Variants in DNAH3 observed in about 807,000 individuals in gnomAD.
The protein encoded by DNAH3 is axonemal beta dynein heavy chain 3.
In DNAH3, 332 loss-of-function variants were observed where a neutral mutation model predicts 432.5. That is an observed-to-expected ratio of 0.77 (90% CI 0.70 to 0.84). DNAH3 has a LOEUF of 0.84. DNAH3 is among the 40% of genes least tolerant of loss of function. The pLI, the probability that DNAH3 is intolerant of heterozygous loss-of-function variation, is 0.00. For missense variants in DNAH3, 4,861 were observed against 5,114.0 expected (o/e 0.95, Z 1.51); for synonymous variants, 1,956 against 1,900.2 (o/e 1.03, Z -0.76).
In DNAH3 at chr16:21,092,158, A is replaced by T. The variant is rs374702674; in HGVS notation, c.2666-5098T>A. ...AAGTAAAAGATCCAGAATAGCCAAC[A>T]CAATATTGAAGGGGAAGAATAAAGT... On this transcript the variant is annotated intron_variant, in intron 18 of 61. Coordinates refer to ENST00000261383, the Ensembl canonical transcript of DNAH3. Among the ~76,000 whole-genome samples, 26 of 152,226 alleles carry T rather than the reference A, an allele frequency of 1.7e-4. 2 individuals are homozygous for T. Among genetic ancestry groups the T allele is most frequent in the East Asian group, 1.3e-3 (7 of 5,198 alleles).
At chr16:20,964,140 C>A in exon 53 of DNAH3, 1 of 1,614,198 alleles carries the variant, frequency 6.2e-7, no homozygotes, top group Non-Finnish European at 8.5e-7. Context: ...TACCCTTGGA[C>A]ATGGAGAGAA....
intron 41 of DNAH3, among the ~76,000 whole-genome samples, chr16:21,017,455 A>G (rs1157815912): frequency 6.6e-6 from 1 of 152,136 alleles, no homozygotes; most frequent in East Asian, 1.9e-4. Flanking sequence ...AGAAAACTCA[A>G]AAGAATGCAA....
rs555983378 is a variant in DNAH3, at chr16:20,966,014, A to ATTTTTTTTTTTTTTT, written c.8459-604_8459-590dup. Among the ~76,000 whole-genome samples, 9 of 48,386 alleles carry ATTTTTTTTTTTTTTT rather than the reference A, an allele frequency of 1.9e-4. 2 individuals are homozygous for ATTTTTTTTTTTTTTT. Among genetic ancestry groups the ATTTTTTTTTTTTTTT allele is most frequent in the African/African-American group, 6.6e-4 (8 of 12,154 alleles). The allele number at this position is 48,386 out of a possible 152,430, so 31.7% of individuals were successfully genotyped here. On this transcript the variant is annotated intron_variant, in intron 52 of 61. Coordinates refer to ENST00000261383, the Ensembl canonical transcript of DNAH3. ...AGGCCTGAGCCACCATGCCCAGCCA[A>ATTTTTTTTTTTTTTT]TTTTTTTTTTTTTTTTTTTTTTTTT...
intron 35 of DNAH3, 51 bp from the exon 36 acceptor site, chr16:21,034,136 C>A: frequency 8.1e-7 from 1 of 1,236,290 alleles, no homozygotes; most frequent in African/African-American, 1.5e-5. Flanking sequence ...AACGCTCCCC[C>A]ATTGTGAGTT....
At chr16:20,967,332 T>G (rs1334712448) in intron 52 of DNAH3, among the ~76,000 whole-genome samples, 3 of 152,038 alleles carry the variant, frequency 2.0e-5, no homozygotes, top group Non-Finnish European at 2.9e-5. Context: ...TGATCATCAG[T>G]GATCCAAGAT....
At chr16:21,028,302 C>A (rs2088677522) in intron 37 of DNAH3, among the ~76,000 whole-genome samples, 1 of 152,038 alleles carries the variant, frequency 6.6e-6, no homozygotes, top group Non-Finnish European at 1.5e-5. Context: ...TCTCTGCCTC[C>A]CAAAGTGCTA....
chr16:21,059,486 G>A (rs533179843), intron 26 of DNAH3, among the ~76,000 whole-genome samples: 1 of 152,154 alleles, frequency 6.6e-6, no homozygotes, highest in East Asian at 1.9e-4. Flanking sequence ...GAAAGTTAGA[G>A]TCAGTCAGCC....
intron 12 of DNAH3, 60 bp from the exon 13 acceptor site, chr16:21,112,158 G>T: frequency 8.6e-7 from 1 of 1,161,076 alleles, no homozygotes; most frequent in Non-Finnish European, 1.3e-6. Context: ...AATCAGATGA[G>T]TCAGAGTGGC....
intron 52 of DNAH3, among the ~76,000 whole-genome samples, chr16:20,968,825 G>GT (rs142141913): frequency 0.025 from 3,784 of 150,970 alleles, 179 homozygotes; most frequent in African/African-American, 0.088. Flanking sequence ...TCGTGTGAGT[G>GT]TTTTTTTCTC....
chr16:20,992,623 A>C (rs2086604812), intron 44 of DNAH3, among the ~76,000 whole-genome samples: 2 of 152,182 alleles, frequency 1.3e-5, no homozygotes, highest in Non-Finnish European at 2.9e-5. Context: ...TACAGGCGTG[A>C]GCCACCGCTC....
chr16:20,957,808 CAAAAAAAAAAAAAAAAAAAAAAAAAAAAA>C (rs762197650), intron 54 of DNAH3, among the ~76,000 whole-genome samples: 2 of 53,286 alleles, frequency 3.8e-5, no homozygotes, highest in South Asian at 6.1e-4. Context: ...ACTCCATCTC[CAAAAAAAAAAAAAAAAAAAAAAAAAAAAA>C]AAAAAAAAAA....
At chr16:21,158,969 C>T (rs1358046036) in intron 1 of DNAH3, among the ~76,000 whole-genome samples, 1 of 151,732 alleles carries the variant, frequency 6.6e-6, no homozygotes, top group Non-Finnish European at 1.5e-5. Flanking sequence ...TTCCTCCCCA[C>T]CCCTAAATGC....
intron 47 of DNAH3, among the ~76,000 whole-genome samples, chr16:20,986,696 C>T (rs935595756): frequency 2.0e-5 from 3 of 152,090 alleles, no homozygotes; most frequent in African/African-American, 7.2e-5. Context: ...TCCTGGTCCC[C>T]ACTCTGTGCC....
At chr16:21,152,435 G>A (rs2092862904) in intron 1 of DNAH3, among the ~76,000 whole-genome samples, 1 of 152,232 alleles carries the variant, frequency 6.6e-6, no homozygotes, top group Non-Finnish European at 1.5e-5. Flanking sequence ...CAGCGTGCTG[G>A]CAGTCCTCAC....
chr16:21,037,592 GCTAT>G lies in DNAH3; in HGVS notation c.4950+165_4950+168del, dbSNP rs1567678568. 3.9e-5 allele frequency among the ~76,000 whole-genome samples: 6 copies of G among 152,172 alleles called. 1 individual carries two copies. In the South Asian group the frequency reaches 1.0e-3, roughly 26 times the overall value. On this transcript the variant is annotated intron_variant, in intron 34 of 61. Transcript: ENST00000261383. The stretch of plus-strand genomic sequence containing the variant: ...TATTAAAAATCAGGCAGAGATGTTT[GCTAT>G]CTATCACTCTTATTATTTAACATTT...
intron 61 of DNAH3, among the ~76,000 whole-genome samples, chr16:20,934,726 A>C (rs2083527052): frequency 6.6e-6 from 1 of 152,162 alleles, no homozygotes; most frequent in Admixed American, 6.6e-5. Context: ...AACATCAAGA[A>C]AGATGGTTTT....
chr16:21,153,730 A>G (rs2092879063), intron 1 of DNAH3, among the ~76,000 whole-genome samples: 1 of 151,606 alleles, frequency 6.6e-6, no homozygotes, highest in Non-Finnish European at 1.5e-5. Flanking sequence ...GAAGGAACAA[A>G]CTCCAGACGC....
chr16:21,003,163 A>AATG lies in DNAH3; in HGVS notation c.6064_6066dup (p.His2022dup), dbSNP rs755029918. The AATG allele has an allele frequency of 1.1e-5, 18 of 1,612,466 alleles. No homozygotes were observed. In the East Asian group the frequency reaches 3.1e-4, roughly 28 times the overall value. Reference sequence around the variant, plus strand: ...GTGATATACTGTGTCCACGTTTCCCAATGTCCACTAGCTTGTTTGATAAAA... The same window carrying AATG: ...GTGATATACTGTGTCCACGTTTCCCAATGATGTCCACTAGCTTGTTTGATAAAA... On this transcript the variant is annotated inframe_insertion, in exon 42 of 62. Coordinates refer to ENST00000261383, the Ensembl canonical transcript of DNAH3.
At position 21,022,019 on chromosome 16, in the gene DNAH3, G is replaced by C. The variant is rs749829311; in HGVS notation, c.5728C>G (p.Pro1910Ala). 23 of 1,613,926 alleles carry C rather than the reference G, an allele frequency of 1.4e-5. No individual in the cohort carries two copies. Among genetic ancestry groups the C allele is most frequent in the Non-Finnish European group, 1.9e-5 (22 of 1,180,014 alleles). Residue 1910 changes from proline to alanine, a missense_variant, in exon 40 of 62, where the codon CCC (proline) becomes GCC (alanine). Physicochemically the swap from Pro to Ala is conservative, Grantham distance 27. Transcript: ENST00000261383. ...ATCATTGAGAAGGCAAGGTGGATGG[G>C]AGATGTCTGGACAACAAATTTACAA...
Sources: allele counts gnomAD v4.1 joint callset (sites outside exome capture counted in the v4.1 genomes callset), GRCh38; gene constraint gnomAD v4.1.1; transcripts MANE v1.5; gene names NCBI Gene and HGNC (gene_info 2026-07-23, HGNC 2026-07-21).